Variants in WBP1L observed in about 807,000 individuals in gnomAD.
The protein encoded by WBP1L is WW domain binding protein 1 like.
In WBP1L, 17 loss-of-function variants were observed where a neutral mutation model predicts 33.7. The ratio of observed to expected loss-of-function variants is 0.50; its 90% CI spans 0.34 to 0.76. The LOEUF (loss-of-function observed/expected upper bound fraction) is 0.76, where lower values mean the gene tolerates loss of function less well. Ranked by LOEUF, WBP1L falls within the 30% of genes least tolerant of loss-of-function variation. The probability of loss-of-function intolerance (pLI) is 0.01; values close to 1 mark genes in which losing one functional copy is unlikely to be tolerated. For missense variants in WBP1L, 389 were observed against 469.4 expected, an observed-to-expected ratio of 0.83 and a Z score of 1.58; for synonymous variants, 173 against 190.8, an observed-to-expected ratio of 0.91 and a Z score of 0.77.
At chr10:102,810,564 C>CTTTTT (rs779749788) in intron 3 of WBP1L, among the ~76,000 whole-genome samples, 5 of 59,796 alleles carry the variant, frequency 8.4e-5, no homozygotes, top group Admixed American at 2.8e-4. Flanking sequence ...CTCTCTATTT[C>CTTTTT]TTTTTTTTTT....
chr10:102,797,506 T>G (rs1843588869), intron 1 of WBP1L, among the ~76,000 whole-genome samples: 1 of 152,164 alleles, frequency 6.6e-6, no homozygotes, highest in Non-Finnish European at 1.5e-5. Flanking sequence ...CCCTAAACTC[T>G]GTTGTTGTTG....
At position 102,813,336 on chromosome 10, in the gene WBP1L, G is replaced by T. The variant is rs1247696857; in HGVS notation, c.*5G>T. The stretch of plus-strand genomic sequence containing the variant: ...AGCAGCAGCTCCCCCAGCTAGAGCA[G>T]GTCCTGCCAGCACCCAGCAACTTGG... On this transcript the variant is annotated 3_prime_UTR_variant, in exon 4 of 4. Coordinates refer to ENST00000448841, the MANE Select transcript of WBP1L (RefSeq NM_001083913.2). The T allele has an allele frequency of 1.2e-6, 2 of 1,600,360 alleles. No individual in the cohort carries two copies. The highest frequency in any genetic ancestry group is 2.2e-5 in the South Asian group (2 of 90,190).
intron 3 of WBP1L, among the ~76,000 whole-genome samples, chr10:102,810,873 C>CTTCCCTCCCCTCTTTTCCT (rs1843830635): frequency 6.7e-6 from 1 of 148,776 alleles, no homozygotes; most frequent in Non-Finnish European, 1.5e-5. Flanking sequence ...CTGCCCTCCC[C>CTTCCCTCCCCTCTTTTCCT]TTCCCTCCCC....
chr10:102,756,135 G>A (rs545511248), intron 1 of WBP1L, among the ~76,000 whole-genome samples: 42 of 151,786 alleles, frequency 2.8e-4, no homozygotes, highest in Non-Finnish European at 4.1e-4. Flanking sequence ...AAATGTGGCC[G>A]TGCGTGGTGG....
chr10:102,777,009 T>G (rs1235901859), intron 1 of WBP1L, among the ~76,000 whole-genome samples: 1 of 152,116 alleles, frequency 6.6e-6, no homozygotes, highest in African/African-American at 2.4e-5. Context: ...AAGACCCCTG[T>G]GGCAGAGACT....
chr10:102,781,753 T>C (rs1318921563), intron 1 of WBP1L, among the ~76,000 whole-genome samples: 1 of 152,062 alleles, frequency 6.6e-6, no homozygotes, highest in Non-Finnish European at 1.5e-5. Flanking sequence ...CCAGAATCCT[T>C]ATCTAAACTG....
rs931300331 is a variant in WBP1L at position 102,781,241 on chromosome 10, G to A, written c.91-16752G>A. Among the ~76,000 whole-genome samples the A allele has an allele frequency of 3.9e-5, 6 of 152,224 alleles. No individual in the cohort carries two copies. The East Asian group carries it at 9.6e-4, about 24-fold the overall frequency. ...AAAGGCTGTGTGATAGCCAGCTAAA[G>A]CTGCAGGGTGGAGCCATGACTGTGG... On this transcript the variant is annotated intron_variant, in intron 1 of 3. Coordinates refer to ENST00000448841, the MANE Select transcript of WBP1L (RefSeq NM_001083913.2).
At chr10:102,777,672 CT>C (rs773763243) in intron 1 of WBP1L, among the ~76,000 whole-genome samples, 1 of 139,608 alleles carries the variant, frequency 7.2e-6, no homozygotes, top group African/African-American at 2.7e-5. Context: ...TCAAGCGATT[CT>C]CCTGCCTCAG....
At chr10:102,779,693 C>T (rs540564931) in intron 1 of WBP1L, among the ~76,000 whole-genome samples, 48 of 107,530 alleles carry the variant, frequency 4.5e-4, no homozygotes, top group African/African-American at 1.1e-3. Flanking sequence ...CGGTTGTTTC[C>T]GGCCACACTT....
intron 1 of WBP1L, chr10:102,776,335 C>T (rs1464379163): frequency 4.3e-6 from 7 of 1,613,974 alleles, no homozygotes; most frequent in Non-Finnish European, 5.9e-6. Context: ...CATTCCAAGA[C>T]CTTAACTTTT....
At chr10:102,746,790 C>G (rs1278426765) in intron 1 of WBP1L, among the ~76,000 whole-genome samples, 1 of 152,124 alleles carries the variant, frequency 6.6e-6, no homozygotes, top group Admixed American at 6.5e-5. Context: ...GGTATTGGTA[C>G]CTTATTGCAT....
intron 1 of WBP1L, among the ~76,000 whole-genome samples, chr10:102,790,237 C>G (rs1000665086): frequency 2.0e-5 from 3 of 152,110 alleles, no homozygotes; most frequent in African/African-American, 7.2e-5. Context: ...GGTCTCCTCT[C>G]TGTGTGACCC....
Position 102,810,066 on chromosome 10 carries a change from C to T in WBP1L, c.355+12C>T, listed in dbSNP as rs1283094970. ...GCCATTTTATTTCAGTACGTACACC[C>T]AAGCCCCCATACCCACCCTCAGGAG... On this transcript the variant is annotated intron_variant, in intron 3 of 3. Transcript: ENST00000448841. 1.0e-5 allele frequency: 16 copies of T among 1,601,346 alleles called. No individual in the cohort carries two copies. The highest frequency in any genetic ancestry group is 1.4e-5 in the Non-Finnish European group (16 of 1,173,930).
chr10:102,783,347 G>T, intron 1 of WBP1L, among the ~76,000 whole-genome samples: 1 of 149,584 alleles, frequency 6.7e-6, no homozygotes, highest in Admixed American at 6.6e-5. Flanking sequence ...ACCCCTTCAT[G>T]CTGCTGCTTG....
At chr10:102,793,961 A>G (rs1250487282) in intron 1 of WBP1L, among the ~76,000 whole-genome samples, 1 of 151,942 alleles carries the variant, frequency 6.6e-6, no homozygotes, top group Non-Finnish European at 1.5e-5. Context: ...TTTGGTTGAG[A>G]TGGGGTTTTG....
rs555089848 is a variant in WBP1L, at chr10:102,768,385, T to G, written c.90+24242T>G. 5.3e-4 allele frequency among the ~76,000 whole-genome samples: 10 copies of G among 18,704 alleles called. No homozygotes were observed. In the South Asian group the frequency reaches 0.011, roughly 20 times the overall value. 12.3% of individuals were successfully genotyped at this position (18,704 alleles called of 152,430 possible). On this transcript the variant is annotated intron_variant, in intron 1 of 3. Transcript: ENST00000448841. ...ATTAGTTTTTTGTTTTTTTTTTTTT[T>G]TTTTTTTTTTTGAGACGGAGTCTCG...
chr10:102,780,287 G>C (rs1215521540), intron 1 of WBP1L, among the ~76,000 whole-genome samples: 1 of 152,162 alleles, frequency 6.6e-6, no homozygotes, highest in Admixed American at 6.5e-5. Flanking sequence ...TGAACTTTTT[G>C]GGTATGGCAC....
intron 1 of WBP1L, among the ~76,000 whole-genome samples, chr10:102,772,257 C>CTTTTTTTTTTT (rs34766191): frequency 4.9e-5 from 3 of 61,030 alleles, no homozygotes; most frequent in Non-Finnish European, 5.7e-5. Flanking sequence ...TGCGCCCGGC[C>CTTTTTTTTTTT]TTTTTTTTTT....
intron 1 of WBP1L, among the ~76,000 whole-genome samples, chr10:102,791,713 A>G (rs1203254042): frequency 6.6e-6 from 1 of 152,222 alleles, no homozygotes; most frequent in Non-Finnish European, 1.5e-5. Flanking sequence ...CATATCCAGC[A>G]GCCAAGATAT....
Sources: allele counts gnomAD v4.1 joint callset (sites outside exome capture counted in the v4.1 genomes callset), GRCh38; gene constraint gnomAD v4.1.1; transcripts MANE v1.5; gene names NCBI Gene and HGNC (gene_info 2026-07-23, HGNC 2026-07-21).